Variants in DMD observed in about 807,000 individuals in gnomAD.
DMD encodes the protein mutant dystrophin.
In DMD, 63 loss-of-function variants were observed where a neutral mutation model predicts 330.1. The ratio of observed to expected loss-of-function variants is 0.19; its 90% CI spans 0.16 to 0.24. The LOEUF is 0.24. DMD is among the 10% of genes least tolerant of loss of function. DMD has a pLI of 1.00. For synonymous variants in DMD, 1,223 were observed against 959.8 expected, an observed-to-expected ratio of 1.27 and a Z score of -5.07; for missense variants, 3,344 against 2,684.1, an observed-to-expected ratio of 1.25 and a Z score of -5.43.
chrX:32,644,157 C>T lies in DMD; in HGVS notation c.1306G>A (p.Val436Ile). ...TTGCTTTGTTTTTCCATGCTAGCTA[C>T]CCTGAGGCATTCCCATCTTGAATTT... ...LLNSRWECLR[V>I]ASMEKQSNLH... is the part of the protein sequence containing the mutation. The change falls in exon 11 of 79, where the codon GTA becomes ATA. Residue 436 changes from valine (V) to isoleucine (I), a missense_variant. By Grantham distance (29) the Val-to-Ile change is conservative. Transcript: ENST00000357033. 8.3e-7 allele frequency: 1 copy of T among 1,209,836 alleles called. No individual in the cohort carries two copies. The highest frequency in any genetic ancestry group is 3.0e-5 in the East Asian group (1 of 33,776).
At chrX:31,372,011 C>A (rs2059608487) in intron 60 of DMD, among the ~76,000 whole-genome samples, 1 of 111,692 alleles carries the variant, frequency 9.0e-6, no homozygotes, top group Non-Finnish European at 1.9e-5. Context: ...AGGGAGATAA[C>A]GTATGTCAAG....
chrX:32,766,791 CTTT>C (rs1299008130), intron 7 of DMD, among the ~76,000 whole-genome samples: 2 of 111,587 alleles, frequency 1.8e-5, no homozygotes, highest in Non-Finnish European at 3.8e-5. Flanking sequence ...CCACAAAAGT[CTTT>C]GAGGTGATAG....
chrX:32,822,407 T>C (rs1255771719), intron 5 of DMD, among the ~76,000 whole-genome samples: 1 of 110,776 alleles, frequency 9.0e-6, no homozygotes, highest in Non-Finnish European at 1.9e-5. Flanking sequence ...CATATGTGTA[T>C]AACGAGTTAC....
chrX:32,576,420 C>T (rs2053056688), intron 13 of DMD, among the ~76,000 whole-genome samples: 1 of 109,709 alleles, frequency 9.1e-6, no homozygotes, highest in Non-Finnish European at 1.9e-5. Context: ...CACTTTGGGG[C>T]CATGACTAAG....
Position 32,699,219 on chromosome X carries a change from G to C in DMD, c.724C>G (p.Gln242Glu), listed in dbSNP as rs128626238. The C allele has an allele frequency of 1.7e-6, 2 of 1,209,307 alleles. No homozygotes were observed. The highest frequency in any genetic ancestry group is 2.2e-5 in the Admixed American group (1 of 45,942). ...ITSLFQVLPQ[Q>E]VSIEAIQEVE... is the part of the protein sequence containing the mutation. ...TCCTGGATGGCTTCAATGCTCACTT[G>C]TTGAGGCAAAACTTGGAAGAGTGAT... The change falls in exon 8 of 79, where the codon CAA (glutamine) becomes GAA (glutamate). Residue 242 changes from glutamine (Q) to glutamate (E), a missense_variant. Transcript: ENST00000357033.
intron 2 of DMD, among the ~76,000 whole-genome samples, chrX:32,977,664 C>G (rs2092592767): frequency 1.8e-5 from 2 of 110,300 alleles, no homozygotes; most frequent in South Asian, 7.7e-4. Context: ...TTAGAAAGGT[C>G]AAAGACTTAT....
intron 17 of DMD, among the ~76,000 whole-genome samples, chrX:32,522,576 C>G (rs1385529516): frequency 8.9e-6 from 1 of 111,938 alleles, no homozygotes; most frequent in South Asian, 3.7e-4. Flanking sequence ...ATTCGTAAAA[C>G]CACTCAAAGA....
At chrX:32,869,550 T>G (rs998217677) in intron 2 of DMD, among the ~76,000 whole-genome samples, 2 of 95,991 alleles carry the variant, frequency 2.1e-5, no homozygotes, top group African/African-American at 7.5e-5. Context: ...GTCTAGAGAG[T>G]AACATAAATG....
At chrX:32,346,621 A>G (rs1445786541) in intron 38 of DMD, among the ~76,000 whole-genome samples, 2 of 111,350 alleles carry the variant, frequency 1.8e-5, no homozygotes, top group Non-Finnish European at 3.8e-5. Context: ...TTAATAGGAG[A>G]AATATCAGGA....
At chrX:32,815,494 CATATATATAT>C (rs1557051738) in intron 6 of DMD, among the ~76,000 whole-genome samples, 3 of 71,853 alleles carry the variant, frequency 4.2e-5, no homozygotes, top group South Asian at 1.6e-3. Flanking sequence ...CACACACAAG[CATATATATAT>C]ATATATATAT....
chrX:32,790,661 TCCCCTG>T (rs2148627036), intron 7 of DMD, among the ~76,000 whole-genome samples: 1 of 111,110 alleles, frequency 9.0e-6, no homozygotes, highest in Admixed American at 9.6e-5. Context: ...CAGCAAACCC[TCCCCTG>T]CCCAACAGAG....
At chrX:33,113,054 CT>C (rs554243808) in intron 1 of DMD, among the ~76,000 whole-genome samples, 35,386 of 93,658 alleles carry the variant, frequency 0.38, 6,066 homozygotes, top group Non-Finnish European at 0.48. Flanking sequence ...CTAAACATTA[CT>C]TTTTTTTTTT....
intron 50 of DMD, among the ~76,000 whole-genome samples, chrX:31,794,660 T>C (rs1288329739): frequency 3.6e-5 from 4 of 111,183 alleles, no homozygotes; most frequent in Non-Finnish European, 7.5e-5. Flanking sequence ...AAATGCTGAA[T>C]AGCTGCATGG....
At chrX:31,683,817 A>G (rs1206152390) in intron 52 of DMD, among the ~76,000 whole-genome samples, 1 of 112,541 alleles carries the variant, frequency 8.9e-6, no homozygotes, top group East Asian at 2.8e-4. Flanking sequence ...AGATGTCACA[A>G]GACATAATAA....
At chrX:31,135,706 ATTAAAC>A (rs1354723336) in intron 76 of DMD, among the ~76,000 whole-genome samples, 1 of 112,872 alleles carries the variant, frequency 8.9e-6, no homozygotes, top group Admixed American at 9.3e-5. Flanking sequence ...TGCAAACAAA[ATTAAAC>A]TTTAAAGGTC....
chrX:32,593,226 A>G (rs962179209), intron 13 of DMD, among the ~76,000 whole-genome samples: 1 of 112,429 alleles, frequency 8.9e-6, no homozygotes, highest in Non-Finnish European at 1.9e-5. Context: ...TTACATGCAC[A>G]CTTTATCCAT....
At chrX:32,929,360 C>T (rs938212074) in intron 2 of DMD, among the ~76,000 whole-genome samples, 14 of 110,488 alleles carry the variant, frequency 1.3e-4, no homozygotes, top group African/African-American at 2.0e-4. Context: ...TTCCGTTCTA[C>T]GTTTTTTGAT....
chrX:32,822,591 G>A (rs981131268), intron 5 of DMD, among the ~76,000 whole-genome samples: 3 of 109,720 alleles, frequency 2.7e-5, no homozygotes, highest in Middle Eastern at 4.9e-3. Context: ...GTGGATATGA[G>A]TGTGTATATA....
intron 51 of DMD, among the ~76,000 whole-genome samples, chrX:31,747,485 T>TCC (rs1397917123): frequency 9.0e-6 from 1 of 111,240 alleles, no homozygotes; most frequent in Non-Finnish European, 1.9e-5. Context: ...ACTTGTCTAT[T>TCC]CCCTAGGCCG....
Sources: allele counts gnomAD v4.1 joint callset (sites outside exome capture counted in the v4.1 genomes callset), GRCh38; gene constraint gnomAD v4.1.1; transcripts MANE v1.5; gene names NCBI Gene and HGNC (gene_info 2026-07-23, HGNC 2026-07-21).